WNT3A: variants seen among roughly 807,000 people sequenced by gnomAD.
The protein encoded by WNT3A is protein Wnt-3a.
WNT3A carries 17 observed loss-of-function variants against 37.0 expected under a neutral mutation model. The observed-to-expected ratio is 0.46, with a 90% CI of 0.31 to 0.69. The LOEUF is 0.69. WNT3A is among the 30% of genes least tolerant of loss of function. The probability of loss-of-function intolerance (pLI) is 0.05; values close to 1 mark genes in which losing one functional copy is unlikely to be tolerated. For synonymous variants in WNT3A, 187 were observed against 211.0 expected (o/e 0.89, Z 0.99); for missense variants, 411 against 510.2 (o/e 0.81, Z 1.87).
chr1:228,059,712 G>C lies in WNT3A; in HGVS notation c.*247G>C. 1 of 1,329,816 alleles carries C rather than the reference G, an allele frequency of 7.5e-7. No individual in the cohort carries two copies. Among genetic ancestry groups the C allele is most frequent in the Non-Finnish European group, 9.6e-7 (1 of 1,046,342 alleles). The allele number at this position is 1,329,816 out of a possible 1,614,324, so 82.4% of individuals were successfully genotyped here. A position where few individuals can be genotyped will look rare whatever the true frequency, so the allele number is the denominator to read the frequency against. On this transcript the variant is annotated 3_prime_UTR_variant, in exon 4 of 4. Coordinates refer to ENST00000284523, the MANE Select transcript of WNT3A (RefSeq NM_033131.4). Reference sequence around the variant, plus strand: ...GAGGCGGAGCTCCAGGATGGGGAGGGGCTCTGCGTTGGCTTCTCCCTGGGG... The same window carrying C: ...GAGGCGGAGCTCCAGGATGGGGAGGCGCTCTGCGTTGGCTTCTCCCTGGGG...
chr1:228,049,137 G>A (rs894045735), intron 2 of WNT3A, among the ~76,000 whole-genome samples: 3 of 152,210 alleles, frequency 2.0e-5, no homozygotes, highest in Non-Finnish European at 2.9e-5. Flanking sequence ...GGCACTGGAA[G>A]TCACTGGTGT....
At chr1:228,018,842 G>A (rs139354759) in intron 1 of WNT3A, among the ~76,000 whole-genome samples, 2 of 152,322 alleles carry the variant, frequency 1.3e-5, no homozygotes, top group East Asian at 1.9e-4. Context: ...CCCTCCTCAG[G>A]CAGGGTCTGT....
Position 228,007,263 on chromosome 1 carries a change from T to G in WNT3A, c.71+64T>G. ...GCCGCGCCCGCAGCAGACGGTCCCC[T>G]CGGGCAGGGACCCCGCGGTGGCCCG... On this transcript the variant is annotated intron_variant, in intron 1 of 3. Coordinates refer to ENST00000284523, the MANE Select transcript of WNT3A (RefSeq NM_033131.4). This position sits in a 1 kb window ranked among gnomAD's most constrained non-coding sequence, Gnocchi z 6.0. 6.6e-7 allele frequency: 1 copy of G among 1,513,418 alleles called. No individual in the cohort carries two copies. Among genetic ancestry groups the G allele is most frequent in the Admixed American group, 1.9e-5 (1 of 52,840 alleles). The allele number at this position is 1,513,418 out of a possible 1,614,324, so 93.7% of individuals were successfully genotyped here. A position where few individuals can be genotyped will look rare whatever the true frequency, so the allele number is the denominator to read the frequency against.
intron 2 of WNT3A, among the ~76,000 whole-genome samples, chr1:228,040,702 T>C (rs920151242): frequency 6.6e-6 from 1 of 151,720 alleles, no homozygotes; most frequent in Non-Finnish European, 1.5e-5. Flanking sequence ...GCTAACACGG[T>C]GAAACCCTTT....
chr1:228,023,424 GAC>G (rs1029155794), intron 2 of WNT3A, among the ~76,000 whole-genome samples: 1 of 151,832 alleles, frequency 6.6e-6, no homozygotes, highest in Non-Finnish European at 1.5e-5. Flanking sequence ...GACAGAGAAA[GAC>G]ACACACACAG....
chr1:228,042,009 T>TC lies in WNT3A; in HGVS notation c.314-8644dup, dbSNP rs2031295456. Among the ~76,000 whole-genome samples, 1 of 152,120 alleles carries TC rather than the reference T, an allele frequency of 6.6e-6. No individual in the cohort carries two copies. Among genetic ancestry groups the TC allele is most frequent in the South Asian group, 2.1e-4 (1 of 4,820 alleles). ...GATTTTTTTTTCTTTTGATGGAGTC[T>TC]CCCTCTGTTGCCAGGCTGGAGTGCA... is the stretch of plus-strand genomic sequence containing the variant. On this transcript the variant is annotated intron_variant, in intron 2 of 3. Transcript: ENST00000284523. This position sits in a 1 kb window ranked among gnomAD's most constrained non-coding sequence, Gnocchi z 5.2.
At chr1:228,030,505 CT>C (rs1430395838) in intron 2 of WNT3A, among the ~76,000 whole-genome samples, 1 of 152,212 alleles carries the variant, frequency 6.6e-6, no homozygotes, top group Non-Finnish European at 1.5e-5. Flanking sequence ...AAAAAGAGGT[CT>C]GACCCAGTGA....
rs1343341684 is a variant in WNT3A, at chr1:228,039,125, A to G, written c.314-11531A>G. ...GCCAGACAGTCAGCATTGCCAGGGG[A>G]AAGAGACGAAGCCACAGGTTTCCAG... On this transcript the variant is annotated intron_variant, in intron 2 of 3. Transcript: ENST00000284523. The surrounding 1 kb of genome is among the most constrained non-coding windows in gnomAD (Gnocchi z 4.1). 6.6e-6 allele frequency among the ~76,000 whole-genome samples: 1 copy of G among 152,096 alleles called. No homozygotes were observed. Among genetic ancestry groups the G allele is most frequent in the Non-Finnish European group, 1.5e-5 (1 of 67,998 alleles).
chr1:228,038,205 G>A lies in WNT3A; in HGVS notation c.314-12451G>A, dbSNP rs1321368677. 6.6e-6 allele frequency among the ~76,000 whole-genome samples: 1 copy of A among 152,086 alleles called. No individual in the cohort carries two copies. The highest frequency in any genetic ancestry group is 2.4e-5 in the African/African-American group (1 of 41,434). On this transcript the variant is annotated intron_variant, in intron 2 of 3. Coordinates refer to ENST00000284523, the MANE Select transcript of WNT3A (RefSeq NM_033131.4). The surrounding 1 kb of genome is among the most constrained non-coding windows in gnomAD (Gnocchi z 5.7). ...GCCACCGCGACACCCCCTCCCGGCC[G>A]CCTGGCTCCTCCTGGGGCCGCAGGA...
chr1:228,026,936 G>C (rs2030867331), intron 2 of WNT3A, among the ~76,000 whole-genome samples: 1 of 152,172 alleles, frequency 6.6e-6, no homozygotes, highest in South Asian at 2.1e-4. Context: ...TCCACCTCCT[G>C]GTTTCAAGCG....
At chr1:228,012,411 G>A (rs1179271130) in intron 1 of WNT3A, among the ~76,000 whole-genome samples, 1 of 152,210 alleles carries the variant, frequency 6.6e-6, no homozygotes, top group East Asian at 1.9e-4. Flanking sequence ...TGACGGTGCT[G>A]CAACCATTTC....
In WNT3A at chr1:228,038,486, G is replaced by A. The variant is rs1247722803; in HGVS notation, c.314-12170G>A. Among the ~76,000 whole-genome samples the A allele has an allele frequency of 6.6e-6, 1 of 152,218 alleles. No homozygotes were observed. Among genetic ancestry groups the A allele is most frequent in the East Asian group, 1.9e-4 (1 of 5,192 alleles). ...AGGGGCGATGGTCCCCAGATGACAT[G>A]ACATTTGGGGCCACAGTGACCTGCA... On this transcript the variant is annotated intron_variant, in intron 2 of 3. Transcript: ENST00000284523. This position sits in a 1 kb window ranked among gnomAD's most constrained non-coding sequence, Gnocchi z 5.7.
rs2031774990 is a variant in WNT3A, at chr1:228,060,240, CA to C, written c.*776del. On this transcript the variant is annotated 3_prime_UTR_variant, in exon 4 of 4. Coordinates refer to ENST00000284523, the MANE Select transcript of WNT3A (RefSeq NM_033131.4). ...AGAGCAGGAAATTCAGCCCACCAGC[CA>C]CCTCATCCCCAACCCCCTGTAAGGT... 7.4e-7 allele frequency: 1 copy of C among 1,351,710 alleles called. No individual in the cohort carries two copies. The highest frequency in any genetic ancestry group is 1.5e-5 in the African/African-American group (1 of 67,724). 83.7% of individuals were successfully genotyped at this position (1,351,710 alleles called of 1,614,324 possible). A position where few individuals can be genotyped will look rare whatever the true frequency, so the allele number is the denominator to read the frequency against.
intron 1 of WNT3A, among the ~76,000 whole-genome samples, chr1:228,016,506 T>C (rs758296329): frequency 5.9e-5 from 9 of 152,032 alleles, no homozygotes; most frequent in African/African-American, 1.4e-4. Context: ...GGGGGCTGCA[T>C]TGGGGACAGG....
Position 228,050,751 on chromosome 1 carries a change from GGCTGCAGCAGCC to G in WNT3A, c.412_423del (p.Cys138_Arg141del). On this transcript the variant is annotated inframe_deletion, in exon 3 of 4. Transcript: ENST00000284523. This position sits in a 1 kb window ranked among gnomAD's most constrained non-coding sequence, Gnocchi z 5.0. ...TGCAGAAGGCACGGCCGCCATCTGT[GGCTGCAGCAGCC>G]GCCACCAGGGCTCACCAGGCAAGGG... The G allele has an allele frequency of 6.2e-7, 1 of 1,613,886 alleles. No homozygotes were observed. Among genetic ancestry groups the G allele is most frequent in the Non-Finnish European group, 8.5e-7 (1 of 1,179,978 alleles).
At chr1:228,058,925 T>C in intron 3 of WNT3A, 61 bp from the exon 4 acceptor site, 1 of 1,489,954 alleles carries the variant, frequency 6.7e-7, no homozygotes. Flanking sequence ...TGTAATGCTG[T>C]TTCCTCGGGG....
Position 228,007,893 on chromosome 1 carries a change from G to A in WNT3A, c.71+694G>A, listed in dbSNP as rs1400892523. ...AGAGTTAAGGGTGAGTTAAGCACGG[G>A]GTGTGAGGGGCTCCAGGACCCTCAA... On this transcript the variant is annotated intron_variant, in intron 1 of 3. Transcript: ENST00000284523. This position sits in a 1 kb window ranked among gnomAD's most constrained non-coding sequence, Gnocchi z 6.0. Among the ~76,000 whole-genome samples the A allele has an allele frequency of 6.6e-6, 1 of 152,180 alleles. No homozygotes were observed. Among genetic ancestry groups the A allele is most frequent in the East Asian group, 1.9e-4 (1 of 5,166 alleles).
rs74143628 is a variant in WNT3A at position 228,048,725 on chromosome 1, T to C, written c.314-1931T>C. Among the ~76,000 whole-genome samples the C allele has an allele frequency of 9.4e-3, 1,424 of 152,144 alleles. 22 individuals carry two copies. The highest frequency in any genetic ancestry group is 0.032 in the African/African-American group (1,340 of 41,488). On this transcript the variant is annotated intron_variant, in intron 2 of 3. Transcript: ENST00000284523. The stretch of plus-strand genomic sequence containing the variant: ...GATTATAGGCCCCCAGCCCTGAGTG[T>C]CTTTTATCAATGGAAGCAGGGCCTG...
In WNT3A at chr1:228,044,930, A is replaced by G. The variant is rs1342350; in HGVS notation, c.314-5726A>G. 5.9e-3 allele frequency among the ~76,000 whole-genome samples: 899 copies of G among 152,306 alleles called. 11 individuals are homozygous for G. The highest frequency in any genetic ancestry group is 0.021 in the African/African-American group (869 of 41,566). On this transcript the variant is annotated intron_variant, in intron 2 of 3. Coordinates refer to ENST00000284523, the MANE Select transcript of WNT3A (RefSeq NM_033131.4). ...CTCTCTGCAGAGACTTCTTGTCTTC[A>G]GTCTTCACGAGTGAATTGAAGGCCT...
Sources: gnomAD v4.1 joint callset for allele counts (sites outside exome capture counted in the v4.1 genomes callset) on GRCh38, gnomAD v4.1.1 for gene constraint, Gnocchi (gnomAD v3.1) non-coding constraint, MANE v1.5 for transcripts, NCBI Gene and HGNC (gene_info 2026-07-23, HGNC 2026-07-21) for gene names.